The following TVP23A variants were observed in gnomAD, a reference collection of about 807,000 sequenced individuals.
TVP23A encodes trans-golgi network vesicle protein 23 homolog A, also known as Golgi apparatus membrane protein TVP23 homolog A.
Under a neutral mutation model 31.7 loss-of-function variants are expected in TVP23A, and 21 were observed. That is an observed-to-expected ratio of 0.66 (90% confidence interval 0.47 to 0.95). The LOEUF is 0.95. TVP23A is among the 40% of genes least tolerant of loss of function. The probability of loss-of-function intolerance (pLI) is 0.00; values close to 1 mark genes in which losing one functional copy is unlikely to be tolerated. For synonymous variants in TVP23A, 104 were observed against 96.0 expected (o/e 1.08, Z -0.49); for missense variants, 279 against 255.6 (o/e 1.09, Z -0.62).
At chr16:10,762,872 G>C (rs962351619), downstream of TVP23A, among the ~76,000 whole-genome samples, 2 of 152,194 alleles carry the variant, frequency 1.3e-5, no homozygotes, top group East Asian at 1.9e-4. Context: ...GAGGCCACGT[G>C]GGGAGCCTTG....
chr16:10,799,951 G>T (rs2033611178), intron 2 of TVP23A, among the ~76,000 whole-genome samples: 1 of 149,632 alleles, frequency 6.7e-6, no homozygotes, highest in South Asian at 2.2e-4. Context: ...GGCTCACAGA[G>T]ATTGCAGAAG....
intron 2 of TVP23A, among the ~76,000 whole-genome samples, chr16:10,799,963 T>TATGG (rs2033611752): frequency 2.6e-5 from 4 of 151,370 alleles, no homozygotes; most frequent in South Asian, 2.1e-4. Context: ...TTGCAGAAGT[T>TATGG]ATGGAGCCTT....
At chr16:10,787,487 A>G (rs1025952684) in intron 2 of TVP23A, among the ~76,000 whole-genome samples, 1 of 148,826 alleles carries the variant, frequency 6.7e-6, no homozygotes, top group African/African-American at 2.6e-5. Context: ...GGCAGGCAAC[A>G]TGGGGCAGGC....
chr16:10,787,470 A>G (rs2032832451), intron 2 of TVP23A, among the ~76,000 whole-genome samples: 1 of 152,048 alleles, frequency 6.6e-6, no homozygotes, highest in Non-Finnish European at 1.5e-5. Flanking sequence ...TCACGTGTAC[A>G]GTAAGGGGCA....
At position 10,767,784 on chromosome 16, in the gene TVP23A, G is replaced by A. The variant is rs1474927010; in HGVS notation, c.*1318C>T. 3.2e-6 allele frequency: 2 copies of A among 624,268 alleles called. No homozygotes were observed. The highest frequency in any genetic ancestry group is 1.8e-5 in the African/African-American group (1 of 54,190). The allele number at this position is 624,268 out of a possible 1,614,324, so 38.7% of individuals were successfully genotyped here. On this transcript the variant is annotated 3_prime_UTR_variant, in exon 8 of 8. Transcript: ENST00000299866. The surrounding 1 kb of genome is among the most constrained non-coding windows in gnomAD (Gnocchi z 4.6). ...TGCTGGCTGGGGACCCTGCTGGAAG[G>A]AAGGTCCCTGAGACCCCACTGGTCT... is the stretch of plus-strand genomic sequence containing the variant.
chr16:10,769,087 G>A lies in TVP23A; in HGVS notation c.*15C>T, dbSNP rs1189421673. ...GTAATCTCCATCAGTCAAAAGAAGA[G>A]AACCTCATCAGTTCCTGAAACGAGA... On this transcript the variant is annotated 3_prime_UTR_variant, in exon 8 of 8. Coordinates refer to ENST00000299866, the MANE Select transcript of TVP23A (RefSeq NM_001079512.4). 6.2e-7 allele frequency: 1 copy of A among 1,613,898 alleles called. No individual in the cohort carries two copies. The highest frequency in any genetic ancestry group is 1.3e-5 in the African/African-American group (1 of 74,846).
Position 10,818,115 on chromosome 16 carries a change from T to C in TVP23A, c.77A>G (p.Lys26Arg). ...CATCCCAACACACCTGATCTTGGCT[T>C]TCCTAAAGGCCAGCTCCTCCTCGTT... is the stretch of plus-strand genomic sequence containing the variant. ...FGNEEELAFR[K>R]AKIRHPLATF... The change falls in exon 2 of 8, where the codon AAA becomes AGA. Residue 26 changes from lysine to arginine, a missense_variant. Physicochemically the swap from Lys to Arg is conservative, Grantham distance 26 (BLOSUM62 2). Coordinates refer to ENST00000299866, the MANE Select transcript of TVP23A (RefSeq NM_001079512.4). The surrounding 1 kb of genome is among the most constrained non-coding windows in gnomAD (Gnocchi z 4.7). The C allele has an allele frequency of 6.2e-7, 1 of 1,608,492 alleles. No individual in the cohort carries two copies. The highest frequency in any genetic ancestry group is 8.5e-7 in the Non-Finnish European group (1 of 1,177,680).
At chr16:10,759,085 C>A (rs1188262563), downstream of TVP23A, among the ~76,000 whole-genome samples, 1 of 152,222 alleles carries the variant, frequency 6.6e-6, no homozygotes, top group Admixed American at 6.5e-5. This position sits in a 1 kb window ranked among gnomAD's most constrained non-coding sequence, Gnocchi z 4.7. Flanking sequence ...TTGATTTGAT[C>A]TCACTGGCCA....
At chr16:10,784,829 G>A (rs749050979) in intron 2 of TVP23A, among the ~76,000 whole-genome samples, 1 of 152,182 alleles carries the variant, frequency 6.6e-6, no homozygotes, top group African/African-American at 2.4e-5. Context: ...GTCCAGGTGT[G>A]GTGGCTCACA....
intron 2 of TVP23A, among the ~76,000 whole-genome samples, chr16:10,783,094 G>A (rs1020456153): frequency 2.0e-5 from 3 of 152,146 alleles, no homozygotes; most frequent in East Asian, 1.9e-4. Flanking sequence ...GGTAGTGATT[G>A]GGAAGGGATA....
At chr16:10,797,051 G>A (rs1053824131) in intron 2 of TVP23A, among the ~76,000 whole-genome samples, 1 of 128,946 alleles carries the variant, frequency 7.8e-6, no homozygotes, top group South Asian at 2.2e-4. Context: ...TTAGCCAGGC[G>A]TGGTGGCATG....
downstream of TVP23A, chr16:10,766,650 C>CA (rs1269076085): frequency 3.8e-6 from 1 of 262,982 alleles, no homozygotes; most frequent in Admixed American, 5.5e-5. This position sits in a 1 kb window ranked among gnomAD's most constrained non-coding sequence, Gnocchi z 4.8. Flanking sequence ...GTGTCTGGAA[C>CA]AAAAAATTGG....
intron 5 of TVP23A, 125 bp downstream of exon 5, chr16:10,773,188 A>C (rs1459476906): frequency 7.9e-7 from 1 of 1,271,370 alleles, no homozygotes; most frequent in African/African-American, 1.5e-5. Flanking sequence ...AATGTGTATT[A>C]TATCTCAATA....
intron 2 of TVP23A, among the ~76,000 whole-genome samples, chr16:10,807,779 C>T (rs1449865808): frequency 6.6e-6 from 1 of 152,222 alleles, no homozygotes; most frequent in African/African-American, 2.4e-5. Context: ...CTGCTGTTCT[C>T]ACAGCAAAGC....
At chr16:10,810,863 G>A (rs1462556778) in intron 2 of TVP23A, among the ~76,000 whole-genome samples, 1 of 152,132 alleles carries the variant, frequency 6.6e-6, no homozygotes, top group African/African-American at 2.4e-5. Flanking sequence ...TTATGCCACC[G>A]GCGTTCCTGG....
chr16:10,761,569 C>T (rs1211969539), intron 8 of TVP23A: 1 of 1,169,656 alleles, frequency 8.5e-7, no homozygotes, highest in Non-Finnish European at 1.2e-6. Flanking sequence ...TCTGCTTTCC[C>T]TGTCATTTTG....
chr16:10,811,660 T>C (rs2034204167), intron 2 of TVP23A, among the ~76,000 whole-genome samples: 1 of 151,966 alleles, frequency 6.6e-6, no homozygotes, highest in Non-Finnish European at 1.5e-5. Flanking sequence ...AATCGGCCAC[T>C]TTAGGAGGCC....
chr16:10,803,452 A>G (rs2033805015), intron 2 of TVP23A, among the ~76,000 whole-genome samples: 1 of 152,200 alleles, frequency 6.6e-6, no homozygotes, highest in Non-Finnish European at 1.5e-5. Context: ...CTGCCCTCCC[A>G]GATGTTACTC....
intron 2 of TVP23A, among the ~76,000 whole-genome samples, chr16:10,807,596 A>G (rs1054788421): frequency 2.4e-4 from 36 of 152,312 alleles, no homozygotes; most frequent in African/African-American, 8.4e-4. Flanking sequence ...GGTGCTGCCC[A>G]GCATCCTATG....
Sources: gnomAD v4.1 joint callset for allele counts (sites outside exome capture counted in the v4.1 genomes callset) on GRCh38, gnomAD v4.1.1 for gene constraint, Gnocchi (gnomAD v3.1) non-coding constraint, MANE v1.5 for transcripts, NCBI Gene and HGNC (gene_info 2026-07-23, HGNC 2026-07-21) for gene names.